The following BPNT1 variants were observed in gnomAD, a reference collection of about 807,000 sequenced individuals.
BPNT1 encodes 3'(2'),5'-bisphosphate nucleotidase 1.
BPNT1 carries 28 observed loss-of-function variants against 36.9 expected under a neutral mutation model. That is an observed-to-expected ratio of 0.76 (90% CI 0.56 to 1.04). BPNT1 has a LOEUF of 1.04. Ranked by LOEUF, BPNT1 falls within the 50% of genes least tolerant of loss-of-function variation. BPNT1 has a pLI of 0.00. For missense variants in BPNT1, 313 were observed against 372.9 expected (o/e 0.84, Z 1.32); for synonymous variants, 119 against 130.9 (o/e 0.91, Z 0.62).
chr1:220,076,709 A>T (rs1006863249), intron 2 of BPNT1, among the ~76,000 whole-genome samples: 5 of 148,234 alleles, frequency 3.4e-5, no homozygotes, highest in Admixed American at 1.4e-4. Context: ...AATTAATAAT[A>T]ATAATAATAA....
At chr1:220,070,875 C>T (rs536173936) in intron 4 of BPNT1, among the ~76,000 whole-genome samples, 8 of 151,312 alleles carry the variant, frequency 5.3e-5, no homozygotes, top group Admixed American at 1.3e-4. Flanking sequence ...TGGTGGCTCA[C>T]GCCTATAATC....
rs1467413592 is a variant in BPNT1, at chr1:220,057,906, G to A, written c.*938C>T. On this transcript the variant is annotated 3_prime_UTR_variant, in exon 9 of 9. Coordinates refer to ENST00000322067, the MANE Select transcript of BPNT1 (RefSeq NM_006085.6). ...AAGAAATCTGGTTTAGGCCAGGTGCGGTGGCTCACACCTGTAATCCCAGCA... is the reference window on the plus strand; with the variant it reads ...AAGAAATCTGGTTTAGGCCAGGTGCAGTGGCTCACACCTGTAATCCCAGCA... The A allele has an allele frequency of 9.3e-6, 12 of 1,292,890 alleles. No homozygotes were observed. The highest frequency in any genetic ancestry group is 2.5e-5 in the South Asian group (2 of 80,452). The allele number at this position is 1,292,890 out of a possible 1,614,324, so 80.1% of individuals were successfully genotyped here.
intron 4 of BPNT1, among the ~76,000 whole-genome samples, chr1:220,070,152 T>C (rs913621571): frequency 6.6e-6 from 1 of 152,164 alleles, no homozygotes; most frequent in Non-Finnish European, 1.5e-5. Flanking sequence ...CTGATTATCT[T>C]AAGGACACAG....
intron 1 of BPNT1, among the ~76,000 whole-genome samples, chr1:220,089,128 AG>A (rs1656064778): frequency 7.1e-6 from 1 of 141,748 alleles, no homozygotes; most frequent in African/African-American, 2.5e-5. Context: ...AAAAAAAAGA[AG>A]GAGGAGGAAG....
At position 220,057,720 on chromosome 1, in the gene BPNT1, C is replaced by T. The variant is rs961360642; in HGVS notation, c.*1124G>A. 3.7e-6 allele frequency: 2 copies of T among 535,154 alleles called. No homozygotes were observed. Among genetic ancestry groups the T allele is most frequent in the East Asian group, 7.2e-5 (1 of 13,972 alleles). 33.2% of individuals were successfully genotyped at this position (535,154 alleles called of 1,614,324 possible). A position where few individuals can be genotyped will look rare whatever the true frequency, so the allele number is the denominator to read the frequency against. ...ACTTTTTTAAAAAGCTGGTGAATAACAAAGAGCTAGGATTAAATAATTTAT... is the reference window on the plus strand; with the variant it reads ...ACTTTTTTAAAAAGCTGGTGAATAATAAAGAGCTAGGATTAAATAATTTAT... On this transcript the variant is annotated 3_prime_UTR_variant, in exon 9 of 9. Coordinates refer to ENST00000322067, the MANE Select transcript of BPNT1 (RefSeq NM_006085.6).
chr1:220,087,431 T>G (rs954341625), intron 1 of BPNT1, among the ~76,000 whole-genome samples: 1 of 152,124 alleles, frequency 6.6e-6, no homozygotes, highest in African/African-American at 2.4e-5. Flanking sequence ...GGCACGCGCC[T>G]GTAATCCCAG....
In BPNT1 at chr1:220,058,496, G is replaced by A; in HGVS notation, c.*348C>T. 1.0e-6 allele frequency: 1 copy of A among 988,322 alleles called. No individual in the cohort carries two copies. Among genetic ancestry groups the A allele is most frequent in the Non-Finnish European group, 1.2e-6 (1 of 828,612 alleles). 61.2% of individuals were successfully genotyped at this position (988,322 alleles called of 1,614,324 possible). ...TTTTGAGAACCAAGTCTTTCTCCTA[G>A]CTAAGTAAATGAAACTTTAAGTACT... On this transcript the variant is annotated 3_prime_UTR_variant, in exon 9 of 9. Transcript: ENST00000322067.
At chr1:220,068,194 C>G (rs1663716147) in intron 5 of BPNT1, among the ~76,000 whole-genome samples, 1 of 151,668 alleles carries the variant, frequency 6.6e-6, no homozygotes, top group Non-Finnish European at 1.5e-5. Context: ...TTCTTATTTT[C>G]TTTTTTTGAA....
intron 1 of BPNT1, among the ~76,000 whole-genome samples, chr1:220,088,114 G>C (rs923984309): frequency 2.6e-5 from 4 of 151,856 alleles, no homozygotes; most frequent in Admixed American, 6.5e-5. Flanking sequence ...CGACCTCATG[G>C]CCTGCCTAAG....
chr1:220,057,905 C>A lies in BPNT1; in HGVS notation c.*939G>T. On this transcript the variant is annotated 3_prime_UTR_variant, in exon 9 of 9. Coordinates refer to ENST00000322067, the MANE Select transcript of BPNT1 (RefSeq NM_006085.6). The stretch of plus-strand genomic sequence containing the variant: ...AAAGAAATCTGGTTTAGGCCAGGTG[C>A]GGTGGCTCACACCTGTAATCCCAGC... The A allele has an allele frequency of 7.7e-7, 1 of 1,291,644 alleles. No homozygotes were observed. The highest frequency in any genetic ancestry group is 1.0e-6 in the Non-Finnish European group (1 of 979,748). The allele number at this position is 1,291,644 out of a possible 1,614,324, so 80.0% of individuals were successfully genotyped here.
chr1:220,064,194 A>G (rs1248464809), intron 6 of BPNT1, among the ~76,000 whole-genome samples: 1 of 152,220 alleles, frequency 6.6e-6, no homozygotes, highest in Non-Finnish European at 1.5e-5. Flanking sequence ...TTCACAACCA[A>G]AGATTGGCTC....
intron 4 of BPNT1, among the ~76,000 whole-genome samples, chr1:220,069,706 C>A (rs1425807195): frequency 6.6e-6 from 1 of 152,066 alleles, no homozygotes; most frequent in African/African-American, 2.4e-5. Context: ...GAGGCCGAGG[C>A]GGGTGGATCA....
At chr1:220,063,063 T>C in intron 6 of BPNT1, 109 bp from the exon 7 acceptor site, 1 of 1,265,350 alleles carries the variant, frequency 7.9e-7, no homozygotes. Flanking sequence ...AATAAAAACA[T>C]GATAGCCGGG....
At chr1:220,066,834 T>C (rs1461135992) in intron 6 of BPNT1, among the ~76,000 whole-genome samples, 1 of 152,192 alleles carries the variant, frequency 6.6e-6, no homozygotes, top group African/African-American at 2.4e-5. Context: ...CCTAGCATCT[T>C]TTCTTAGTTG....
At chr1:220,070,348 C>T (rs1027641661) in intron 4 of BPNT1, among the ~76,000 whole-genome samples, 2 of 151,252 alleles carry the variant, frequency 1.3e-5, no homozygotes, top group African/African-American at 4.8e-5. Flanking sequence ...ACTTTCTTTT[C>T]TTTTTTGCTT....
intron 1 of BPNT1, among the ~76,000 whole-genome samples, chr1:220,080,527 C>G (rs1665010811): frequency 6.6e-6 from 1 of 152,090 alleles, no homozygotes; most frequent in African/African-American, 2.4e-5. Context: ...ACAATCATGG[C>G]AGAAGACAAA....
At chr1:220,073,922 T>C (rs766244615) in intron 3 of BPNT1, 45 bp downstream of exon 3, 1 of 1,507,148 alleles carries the variant, frequency 6.6e-7, no homozygotes, top group Non-Finnish European at 9.2e-7. Context: ...TATAAATCCA[T>C]TTGGTAAACA....
rs1286933642 is a variant in BPNT1 at position 220,062,848 on chromosome 1, G to C, written c.581C>G (p.Thr194Ser). ...CAACTTGTTGCTATGGGATCGAGTA[G>C]TTGTGATAATGTGTTTCCCAGCAGG... is the stretch of plus-strand genomic sequence containing the variant. ...EVPAGKHIIT[T>S]TRSHSNKLVT... The change falls in exon 7 of 9, where the codon ACT becomes AGT. Residue 194 changes from threonine (T) to serine (S), a missense_variant. Thr to Ser is a moderately conservative substitution (Grantham distance 58). Coordinates refer to ENST00000322067, the MANE Select transcript of BPNT1 (RefSeq NM_006085.6). 6.2e-7 allele frequency: 1 copy of C among 1,614,170 alleles called. No individual in the cohort carries two copies. Among genetic ancestry groups the C allele is most frequent in the Admixed American group, 1.7e-5 (1 of 60,022 alleles).
chr1:220,088,790 A>T (rs1267480284), intron 1 of BPNT1, among the ~76,000 whole-genome samples: 1 of 119,042 alleles, frequency 8.4e-6, no homozygotes, highest in East Asian at 2.7e-4. Flanking sequence ...AACCTGTCTT[A>T]AAAAAAAAAA....
Sources: allele counts gnomAD v4.1 joint callset (sites outside exome capture counted in the v4.1 genomes callset), GRCh38; gene constraint gnomAD v4.1.1; transcripts MANE v1.5; gene names NCBI Gene and HGNC (gene_info 2026-07-23, HGNC 2026-07-21).